GATA4: variants seen among roughly 807,000 people sequenced by gnomAD.
GATA4 encodes transcription factor GATA-4.
In GATA4, 7 loss-of-function variants were observed where a neutral mutation model predicts 37.9. The ratio of observed to expected loss-of-function variants is 0.18; its 90% CI spans 0.11 to 0.35. The LOEUF is 0.35. Ranked by LOEUF, GATA4 falls within the 10% of genes least tolerant of loss-of-function variation. GATA4 has a pLI of 1.00. For missense variants in GATA4, 647 were observed against 653.0 expected, an observed-to-expected ratio of 0.99 and a Z score of 0.10; for synonymous variants, 372 against 292.6, an observed-to-expected ratio of 1.27 and a Z score of -2.77.
intron 2 of GATA4, among the ~76,000 whole-genome samples, chr8:11,736,236 G>A (rs1040637972): frequency 2.0e-5 from 3 of 152,202 alleles, no homozygotes; most frequent in Non-Finnish European, 2.9e-5. Flanking sequence ...TAAAAATTGC[G>A]TAATTTAAAC....
chr8:11,754,598 C>T (rs750783856), intron 4 of GATA4, among the ~76,000 whole-genome samples: 4 of 152,176 alleles, frequency 2.6e-5, no homozygotes, highest in Non-Finnish European at 5.9e-5. Flanking sequence ...CCTGAAATGC[C>T]TGCCTCTGTC....
At chr8:11,701,851 T>G (rs1425497761), upstream of GATA4, among the ~76,000 whole-genome samples, 1 of 58,132 alleles carries the variant, frequency 1.7e-5, no homozygotes, top group Admixed American at 2.0e-4. Flanking sequence ...AGGACCGGGG[T>G]GGTGGGGGGT....
intron 1 of GATA4, among the ~76,000 whole-genome samples, chr8:11,683,727 C>T (rs1469339970): frequency 1.3e-5 from 2 of 152,294 alleles, no homozygotes; most frequent in African/African-American, 4.8e-5. Flanking sequence ...CACTTGTTTG[C>T]CCCAAGACAC....
chr8:11,715,275 A>G (rs1017247456), intron 2 of GATA4, among the ~76,000 whole-genome samples: 5 of 152,190 alleles, frequency 3.3e-5, no homozygotes, highest in African/African-American at 1.2e-4. Flanking sequence ...TGGGGAGGAA[A>G]GCGGGTAGGT....
intron 1 of GATA4, among the ~76,000 whole-genome samples, chr8:11,679,944 T>C (rs1364303470): frequency 6.6e-6 from 1 of 152,172 alleles, no homozygotes; most frequent in African/African-American, 2.4e-5. Context: ...ACAAACTCTT[T>C]TTGCACTGGG....
rs2130307080 is a variant in GATA4 at position 11,748,998 on chromosome 8, G to C, written c.699G>C (p.Gly233=). 8.1e-6 allele frequency: 13 copies of C among 1,614,250 alleles called. No individual in the cohort carries two copies. The highest frequency in any genetic ancestry group is 1.1e-5 in the Non-Finnish European group (13 of 1,180,042). Residue 233 remains glycine, a synonymous_variant, in exon 3 of 7, where the codon GGG becomes GGC. Coordinates refer to ENST00000532059, the MANE Select transcript of GATA4 (RefSeq NM_001308093.3). The part of the protein sequence containing the change: ...AMSTPLWRRD[G]TGHYLCNACG... Reference sequence around the variant, plus strand: ...CCACCCCGCTCTGGAGGCGAGATGGGACGGGTCACTATCTGTGCAACGCCT... The same window carrying C: ...CCACCCCGCTCTGGAGGCGAGATGGCACGGGTCACTATCTGTGCAACGCCT...
chr8:11,720,209 C>G (rs1030029193), intron 2 of GATA4, among the ~76,000 whole-genome samples: 1 of 151,856 alleles, frequency 6.6e-6, no homozygotes, highest in Non-Finnish European at 1.5e-5. Flanking sequence ...AGAAGGACTG[C>G]TCTACCGCCC....
In GATA4 at chr8:11,759,437, T is replaced by G. The variant is rs1029032619; in HGVS notation, c.*962T>G. 6.6e-6 allele frequency: 1 copy of G among 152,368 alleles called. No individual in the cohort carries two copies. The highest frequency in any genetic ancestry group is 2.4e-5 in the African/African-American group (1 of 41,466). The allele number at this position is 152,368 out of a possible 1,614,324, so 9.4% of individuals were successfully genotyped here. ...CAGGGGGCAGGAGTGTCCCAAGGGC[T>G]GGCCCACCTGCTGTCTGTCTGCTCC... On this transcript the variant is annotated 3_prime_UTR_variant, in exon 7 of 7. Coordinates refer to ENST00000532059, the MANE Select transcript of GATA4 (RefSeq NM_001308093.3).
At chr8:11,692,936 C>G (rs1799368374) in intron 1 of GATA4, 1 of 984,836 alleles carries the variant, frequency 1.0e-6, no homozygotes, top group African/African-American at 1.7e-5. Flanking sequence ...GCCGTCAGCG[C>G]GCACCTCATC....
intron 1 of GATA4, among the ~76,000 whole-genome samples, chr8:11,680,025 A>G (rs1798903894): frequency 1.3e-5 from 2 of 152,226 alleles, no homozygotes; most frequent in Admixed American, 6.5e-5. Flanking sequence ...GCTCAAAGTC[A>G]CATCGCCGGG....
At chr8:11,689,055 A>G (rs1205639066), upstream of GATA4, among the ~76,000 whole-genome samples, 3 of 152,212 alleles carry the variant, frequency 2.0e-5, no homozygotes, top group East Asian at 1.9e-4. Context: ...AATATAAATA[A>G]CAAAGCAGCG....
In GATA4 at chr8:11,749,125, G is replaced by A. The variant is rs1346459282; in HGVS notation, c.786+40G>A. On this transcript the variant is annotated intron_variant, in intron 3 of 6. Transcript: ENST00000532059. The surrounding 1 kb of genome is among the most constrained non-coding windows in gnomAD (Gnocchi z 4.6). Reference sequence around the variant, plus strand: ...CGCAGCCTCCTCTGGGCACCTGGCTGCGGAGCTCTCGCCTTGGTGGGACAT... The same window carrying A: ...CGCAGCCTCCTCTGGGCACCTGGCTACGGAGCTCTCGCCTTGGTGGGACAT... 6.2e-7 allele frequency: 1 copy of A among 1,608,232 alleles called. No homozygotes were observed. Among genetic ancestry groups the A allele is most frequent in the South Asian group, 1.1e-5 (1 of 90,796 alleles).
intron 1 of GATA4, among the ~76,000 whole-genome samples, chr8:11,681,883 C>G (rs1798985238): frequency 6.6e-6 from 1 of 152,150 alleles, no homozygotes. Flanking sequence ...TCTGCGCCTT[C>G]AGATGTGGTC....
At chr8:11,681,382 C>T in intron 1 of GATA4, 1 of 985,362 alleles carries the variant, frequency 1.0e-6, no homozygotes, top group Non-Finnish European at 1.2e-6. Flanking sequence ...ATAAAAACTC[C>T]TGGCAGACCC....
Position 11,749,466 on chromosome 8 carries a change from G to A in GATA4, c.786+381G>A, listed in dbSNP as rs554297852. 5.3e-5 allele frequency among the ~76,000 whole-genome samples: 8 copies of A among 152,176 alleles called. No homozygotes were observed. The highest frequency in any genetic ancestry group is 4.6e-4 in the Admixed American group (7 of 15,286). Reference sequence around the variant, plus strand: ...CCCTGCAAGGAAGGTCACCTCAGAGGCTGGTCTCTACCCTGACCTCAGTTG... The same window carrying A: ...CCCTGCAAGGAAGGTCACCTCAGAGACTGGTCTCTACCCTGACCTCAGTTG... On this transcript the variant is annotated intron_variant, in intron 3 of 6. Coordinates refer to ENST00000532059, the MANE Select transcript of GATA4 (RefSeq NM_001308093.3). This position sits in a 1 kb window ranked among gnomAD's most constrained non-coding sequence, Gnocchi z 4.6.
upstream of GATA4, among the ~76,000 whole-genome samples, chr8:11,687,634 TA>T (rs1241697700): frequency 6.6e-6 from 1 of 152,210 alleles, no homozygotes; most frequent in Non-Finnish European, 1.5e-5. Context: ...AGAGATGTTG[TA>T]AAGCCAAAGG....
At chr8:11,706,578 T>G (rs933897815) in intron 1 of GATA4, among the ~76,000 whole-genome samples, 1 of 152,266 alleles carries the variant, frequency 6.6e-6, no homozygotes, top group African/African-American at 2.4e-5. Flanking sequence ...CTAAGTAATT[T>G]GTCTAAAGGT....
upstream of GATA4, among the ~76,000 whole-genome samples, chr8:11,703,218 C>T (rs1799745530): frequency 6.6e-6 from 1 of 152,150 alleles, no homozygotes; most frequent in African/African-American, 2.4e-5. Context: ...GAGAGCCACC[C>T]GCCGGCTGTT....
rs190726093 is a variant in GATA4, at chr8:11,746,971, C to T, written c.617-1945C>T. Among the ~76,000 whole-genome samples, 221 of 152,338 alleles carry T rather than the reference C, an allele frequency of 1.5e-3. 1 individual carries two copies. The highest frequency in any genetic ancestry group is 5.0e-3 in the African/African-American group (207 of 41,578). On this transcript the variant is annotated intron_variant, in intron 2 of 6. Transcript: ENST00000532059. ...ACCCAGAGTTGTGGGGAGGGCCCCC[C>T]ACCATCCTCTTCTCTGGCCCACATT...
Sources: allele counts gnomAD v4.1 joint callset (sites outside exome capture counted in the v4.1 genomes callset), GRCh38; gene constraint gnomAD v4.1.1; non-coding constraint Gnocchi (gnomAD v3.1); transcripts MANE v1.5; gene names NCBI Gene and HGNC (gene_info 2026-07-23, HGNC 2026-07-21).